Variants in CNOT1 observed in about 807,000 individuals in gnomAD.
The protein encoded by CNOT1 is CCR4-associated factor 1.
A neutral mutation model predicts 273.8 loss-of-function variants in CNOT1; 15 were observed. The ratio of observed to expected loss-of-function variants is 0.05; its 90% confidence interval spans 0.04 to 0.08. CNOT1 has a LOEUF of 0.08. Ranked by LOEUF, CNOT1 falls within the 10% of genes least tolerant of loss-of-function variation. The pLI is 1.00. For missense variants in CNOT1, 1,644 were observed against 2,912.2 expected, an observed-to-expected ratio of 0.56 and a Z score of 10.02; for synonymous variants, 1,022 against 1,005.5, an observed-to-expected ratio of 1.02 and a Z score of -0.31.
chr16:58,590,333 A>C (rs778826509), intron 2 of CNOT1, among the ~76,000 whole-genome samples: 21 of 152,202 alleles, frequency 1.4e-4, no homozygotes, highest in Admixed American at 7.9e-4. Context: ...TGATCTTCCC[A>C]CTATATCATG....
At position 58,580,708 on chromosome 16, in the gene CNOT1, T is replaced by C; in HGVS notation, c.1268A>G (p.Asp423Gly). Residue 423 changes from aspartate (D) to glycine (G), a missense_variant, in exon 12 of 49, where the codon GAC becomes GGC. Physicochemically the swap from Asp to Gly is moderately conservative, Grantham distance 94. Transcript: ENST00000317147. ...LINPEIFCFA[D>G]YPCHTVATDI... Reference sequence around the variant, plus strand: ...AGTGGCAACAGTATGACAGGGATAGTCAGCAAAACAGAAGATCTCTGGATT... The same window carrying C: ...AGTGGCAACAGTATGACAGGGATAGCCAGCAAAACAGAAGATCTCTGGATT... 6.2e-7 allele frequency: 1 copy of C among 1,613,464 alleles called. No homozygotes were observed. The highest frequency in any genetic ancestry group is 8.5e-7 in the Non-Finnish European group (1 of 1,179,684).
At chr16:58,564,488 T>C (rs553401122) in intron 16 of CNOT1, among the ~76,000 whole-genome samples, 9 of 151,922 alleles carry the variant, frequency 5.9e-5, no homozygotes, top group Non-Finnish European at 1.2e-4. Context: ...TTATGTCCTA[T>C]GCAAAAACAA....
chr16:58,576,025 C>A (rs2041448024), intron 14 of CNOT1, among the ~76,000 whole-genome samples: 2 of 152,132 alleles, frequency 1.3e-5, no homozygotes, highest in South Asian at 4.1e-4. Flanking sequence ...TTTTAAGAAA[C>A]CTCTAAATCT....
At position 58,599,149 on chromosome 16, in the gene CNOT1, T is replaced by C. The variant is rs149838370; in HGVS notation, c.102+87A>G. The C allele has an allele frequency of 4.6e-4, 723 of 1,568,274 alleles. 3 individuals are homozygous for C. In the African/African-American group the frequency reaches 8.2e-3, roughly 18 times the overall value. On this transcript the variant is annotated intron_variant, in intron 2 of 48. Transcript: ENST00000317147. Reference sequence around the variant, plus strand: ...AGGGGCAAAAGTTAGTTACCTTTCATGCAACATGCCCACATAAATGTGTGG... The same window carrying C: ...AGGGGCAAAAGTTAGTTACCTTTCACGCAACATGCCCACATAAATGTGTGG...
intron 16 of CNOT1, among the ~76,000 whole-genome samples, chr16:58,573,898 A>C (rs547375559): frequency 6.6e-6 from 1 of 152,188 alleles, no homozygotes; most frequent in South Asian, 2.1e-4. Flanking sequence ...ACTTACTGAA[A>C]ACCTATTGTG....
At chr16:58,548,488 A>G in intron 25 of CNOT1, 1 of 513,660 alleles carries the variant, frequency 1.9e-6, no homozygotes, top group South Asian at 1.4e-5. Context: ...GATAATAAAA[A>G]CGAAATAGAG....
chr16:58,537,877 C>A lies in CNOT1; in HGVS notation c.5414+14G>T. The stretch of plus-strand genomic sequence containing the variant: ...TACTAAATGCACAGGGATCTCAAAG[C>A]ATTTCATCCTCACCCTTCTGGAGCA... On this transcript the variant is annotated intron_variant, in intron 38 of 48. Coordinates refer to ENST00000317147, the MANE Select transcript of CNOT1 (RefSeq NM_016284.5). 1 of 1,613,192 alleles carries A rather than the reference C, an allele frequency of 6.2e-7. No individual in the cohort carries two copies. Among genetic ancestry groups the A allele is most frequent in the Non-Finnish European group, 8.5e-7 (1 of 1,179,136 alleles).
intron 34 of CNOT1, among the ~76,000 whole-genome samples, chr16:58,540,434 T>C (rs1221836749): frequency 2.0e-5 from 3 of 152,186 alleles, no homozygotes; most frequent in Non-Finnish European, 4.4e-5. Flanking sequence ...AACCTAGTCA[T>C]GAGAATACAC....
intron 39 of CNOT1, among the ~76,000 whole-genome samples, chr16:58,535,360 G>A (rs1300367420): frequency 6.6e-6 from 1 of 152,228 alleles, no homozygotes; most frequent in Non-Finnish European, 1.5e-5. Context: ...AACTAACAGA[G>A]AGTGAGGAAT....
chr16:58,588,839 A>C lies in CNOT1; in HGVS notation c.170T>G (p.Phe57Cys), dbSNP rs1387321878. The stretch of plus-strand genomic sequence containing the variant: ...GCCACTGCTTTTACCATCGCCACTG[A>C]AATCCACATGCGAAAATAGGCAGCG... ...LLRCLFSHVD[F>C]SGDGKSSGKD... is the part of the protein sequence containing the mutation. Residue 57 changes from phenylalanine to cysteine, a missense_variant, in exon 3 of 49, where the codon TTC (phenylalanine) becomes TGC (cysteine). Physicochemically the swap from Phe to Cys is radical, Grantham distance 205 (BLOSUM62 -2). This residue lies in a region of CNOT1 where 706 missense variants were observed against 1,021.2 expected (regional missense o/e 0.69). Transcript: ENST00000317147. The C allele has an allele frequency of 6.2e-7, 1 of 1,613,932 alleles. No individual in the cohort carries two copies. The highest frequency in any genetic ancestry group is 1.3e-5 in the African/African-American group (1 of 74,928).
chr16:58,587,877 G>A lies in CNOT1; in HGVS notation c.212C>T (p.Thr71Ile), dbSNP rs1356769296. 6.2e-7 allele frequency: 1 copy of A among 1,611,784 alleles called. No individual in the cohort carries two copies. The highest frequency in any genetic ancestry group is 8.5e-7 in the Non-Finnish European group (1 of 1,179,738). The part of the protein sequence containing the change: ...GKSSGKDFHQ[T>I]QFLIQECALL... ...CGCACACTCCTGAATCAGAAACTGA[G>A]TCTTTAAAAATAAAAAATGATTTTC... Residue 71 changes from threonine to isoleucine, a missense_variant and splice_region_variant, in exon 4 of 49, where the codon ACT (threonine) becomes ATT (isoleucine). Thr to Ile is a moderately conservative substitution (Grantham distance 89, BLOSUM62 -1). This residue lies in a region of CNOT1 where 706 missense variants were observed against 1,021.2 expected (regional missense o/e 0.69). Transcript: ENST00000317147.
At chr16:58,559,772 G>T in intron 17 of CNOT1, 1 of 501,878 alleles carries the variant, frequency 2.0e-6, no homozygotes, top group Non-Finnish European at 4.1e-6. Flanking sequence ...AGAGAAGGGG[G>T]TGGTTGATGT....
intron 40 of CNOT1, 178 bp from the exon 41 acceptor site, chr16:58,532,573 C>T: frequency 9.0e-7 from 1 of 1,111,682 alleles, no homozygotes; most frequent in Non-Finnish European, 1.2e-6. Flanking sequence ...CTGACTCCGC[C>T]TTCAGTGTTT....
chr16:58,625,178 G>C (rs766056768), intron 1 of CNOT1, among the ~76,000 whole-genome samples: 3 of 152,032 alleles, frequency 2.0e-5, no homozygotes, highest in African/African-American at 4.8e-5. Flanking sequence ...TTGAGGTCAG[G>C]AGTTCAAGAC....
intron 47 of CNOT1, 36 bp downstream of exon 47, chr16:58,523,334 C>G: frequency 6.4e-7 from 1 of 1,552,306 alleles, no homozygotes; most frequent in Non-Finnish European, 8.7e-7. Flanking sequence ...GGAGGAGATC[C>G]TTTTGAAGCA....
intron 44 of CNOT1, chr16:58,528,160 C>A: frequency 3.9e-6 from 2 of 513,162 alleles, no homozygotes; most frequent in South Asian, 3.2e-5. Context: ...CAATTCTTTG[C>A]CATGTGGGGC....
chr16:58,587,285 G>C, intron 5 of CNOT1, 30 bp from the exon 6 acceptor site: 1 of 1,613,600 alleles, frequency 6.2e-7, no homozygotes, highest in South Asian at 1.1e-5. Context: ...ATTAACCAAA[G>C]AGTCAAATGG....
intron 16 of CNOT1, among the ~76,000 whole-genome samples, chr16:58,565,628 C>T (rs1276060284): frequency 6.6e-6 from 1 of 152,076 alleles, no homozygotes; most frequent in Non-Finnish European, 1.5e-5. Flanking sequence ...TTTACGTGTT[C>T]TTCTTGACTT....
rs141848028 is a variant in CNOT1, at chr16:58,554,568, C to T, written c.2891+683G>A. 2.6e-3 allele frequency among the ~76,000 whole-genome samples: 401 copies of T among 152,272 alleles called. 3 individuals are homozygous for T. Among genetic ancestry groups the T allele is most frequent in the African/African-American group, 8.9e-3 (371 of 41,552 alleles). ...ACCTAAAGGGAAGACTTCTACTGTA[C>T]GAAGTATACCTCATAAATAACCAAC... On this transcript the variant is annotated intron_variant, in intron 21 of 48. Transcript: ENST00000317147.
Sources: allele counts gnomAD v4.1 joint callset (sites outside exome capture counted in the v4.1 genomes callset), GRCh38; gene constraint gnomAD v4.1.1; regional missense constraint gnomAD v4.1.1; transcripts MANE v1.5; gene names NCBI Gene and HGNC (gene_info 2026-07-23, HGNC 2026-07-21).